The following LRRC52 variants were observed in gnomAD, a reference collection of about 807,000 sequenced individuals.
LRRC52 encodes the protein leucine rich repeat containing 52, also known as leucine-rich repeat-containing protein 52.
LRRC52 carries 15 observed loss-of-function variants against 14.7 expected under a neutral mutation model. That is an observed-to-expected ratio of 1.02 (90% confidence interval 0.68 to 1.58). LRRC52 has a LOEUF of 1.58. LRRC52 is among the 40% of genes most tolerant of loss of function. LRRC52 has a pLI of 0.00. For missense variants in LRRC52, 400 were observed against 387.7 expected (o/e 1.03, Z -0.27); for synonymous variants, 180 against 163.9 (o/e 1.10, Z -0.75).
At chr1:165,549,814 C>A (rs146532881) in intron 1 of LRRC52, among the ~76,000 whole-genome samples, 176 of 152,334 alleles carry the variant, frequency 1.2e-3, no homozygotes, top group African/African-American at 4.1e-3. Flanking sequence ...CATAAGGCTA[C>A]ACTGAACAAG....
At chr1:165,560,841 G>C (rs2459239) in intron 1 of LRRC52, among the ~76,000 whole-genome samples, 7,534 of 152,246 alleles carry the variant, frequency 0.049, 243 homozygotes, top group Admixed American at 0.076. Context: ...TGAGAAGGAG[G>C]GAAGGGGAGA....
intron 1 of LRRC52, among the ~76,000 whole-genome samples, chr1:165,558,498 G>A (rs1045316231): frequency 2.0e-5 from 3 of 152,152 alleles, no homozygotes; most frequent in African/African-American, 7.2e-5. Flanking sequence ...ACCCTGTGGG[G>A]TGATCAAAAG....
intron 1 of LRRC52, among the ~76,000 whole-genome samples, chr1:165,553,821 G>A (rs1207126346): frequency 6.6e-6 from 1 of 152,116 alleles, no homozygotes; most frequent in Non-Finnish European, 1.5e-5. Context: ...ATTGGTGCCT[G>A]TATTTCTCTT....
At chr1:165,554,183 A>G (rs1000568833) in intron 1 of LRRC52, among the ~76,000 whole-genome samples, 1 of 152,216 alleles carries the variant, frequency 6.6e-6, no homozygotes, top group Non-Finnish European at 1.5e-5. Context: ...TGCACACAGT[A>G]CATGTTCAAT....
chr1:165,559,577 T>C (rs2101833036), intron 1 of LRRC52, among the ~76,000 whole-genome samples: 1 of 152,314 alleles, frequency 6.6e-6, no homozygotes, highest in African/African-American at 2.4e-5. Flanking sequence ...CACCACAACC[T>C]AACTGACATG....
chr1:165,556,378 C>G (rs1314303562), intron 1 of LRRC52, among the ~76,000 whole-genome samples: 2 of 101,082 alleles, frequency 2.0e-5, no homozygotes, highest in Non-Finnish European at 4.8e-5. Context: ...TCTATAGACT[C>G]TATATACAAG....
chr1:165,556,532 A>G (rs1661237682), intron 1 of LRRC52, among the ~76,000 whole-genome samples: 1 of 152,258 alleles, frequency 6.6e-6, no homozygotes. Flanking sequence ...TAAATATTCT[A>G]GGCTTTGTGG....
intron 1 of LRRC52, among the ~76,000 whole-genome samples, chr1:165,556,428 C>T (rs1038667743): frequency 6.6e-6 from 1 of 152,166 alleles, no homozygotes; most frequent in African/African-American, 2.4e-5. Context: ...TTATACTTTG[C>T]ACAAGCCCAA....
At chr1:165,552,760 C>A (rs285431) in intron 1 of LRRC52, among the ~76,000 whole-genome samples, 1 of 152,202 alleles carries the variant, frequency 6.6e-6, no homozygotes, top group Non-Finnish European at 1.5e-5. Flanking sequence ...AGCTCTATGA[C>A]AGCAGATCTG....
At chr1:165,555,524 G>A (rs2101830084) in intron 1 of LRRC52, among the ~76,000 whole-genome samples, 1 of 152,308 alleles carries the variant, frequency 6.6e-6, no homozygotes, top group Non-Finnish European at 1.5e-5. Context: ...GAAGGATTTT[G>A]AGCAGGGAAG....
At chr1:165,561,344 T>C (rs551187140) in intron 1 of LRRC52, among the ~76,000 whole-genome samples, 2 of 152,288 alleles carry the variant, frequency 1.3e-5, no homozygotes, top group Admixed American at 6.5e-5. Flanking sequence ...CCGAATCCCA[T>C]GTTTGCCTTT....
rs151335703 is a variant in LRRC52, at chr1:165,545,292, A to C, written c.622+374A>C. ...TGAAGTACTCTAATTGCAAAGTGACAAGGTAATATAGGGACACTGTATTCT... is the reference window on the plus strand; with the variant it reads ...TGAAGTACTCTAATTGCAAAGTGACCAGGTAATATAGGGACACTGTATTCT... On this transcript the variant is annotated intron_variant, in intron 1 of 1. Coordinates refer to ENST00000294818, the MANE Select transcript of LRRC52 (RefSeq NM_001005214.4). 1.2e-3 allele frequency among the ~76,000 whole-genome samples: 183 copies of C among 152,322 alleles called. 2 individuals are homozygous for C. The highest frequency in any genetic ancestry group is 2.9e-3 in the Admixed American group (45 of 15,300).
chr1:165,561,253 T>G (rs1409368953), intron 1 of LRRC52, among the ~76,000 whole-genome samples: 1 of 152,246 alleles, frequency 6.6e-6, no homozygotes, highest in Non-Finnish European at 1.5e-5. Flanking sequence ...GTCTCATCTC[T>G]GCCGCCCAAG....
At chr1:165,550,305 C>T (rs953368467) in intron 1 of LRRC52, among the ~76,000 whole-genome samples, 13 of 152,178 alleles carry the variant, frequency 8.5e-5, no homozygotes, top group African/African-American at 3.1e-4. Flanking sequence ...CCCCTCTACC[C>T]GCAAAGTCTG....
In LRRC52 at chr1:165,544,631, A is replaced by G; in HGVS notation, c.335A>G (p.Asn112Ser). ...ATCTACCTTGACCTCAGCTCCAACA[A>G]CCTAACCTCGATCTCCCCATTCACT... ...KLIYLDLSSNNLTSISPFTFS... is the reference protein window; with the variant it reads ...KLIYLDLSSNSLTSISPFTFS... The change falls in exon 1 of 2, where the codon AAC becomes AGC. Residue 112 changes from asparagine (N) to serine (S), a missense_variant. Transcript: ENST00000294818. 1 of 1,612,896 alleles carries G rather than the reference A, an allele frequency of 6.2e-7. No individual in the cohort carries two copies.
chr1:165,552,793 C>A (rs1287174954), intron 1 of LRRC52, among the ~76,000 whole-genome samples: 1 of 152,150 alleles, frequency 6.6e-6, no homozygotes. Flanking sequence ...CAAGCACAGG[C>A]CTGACACAGA....
At chr1:165,545,271 G>A (rs1660996561) in intron 1 of LRRC52, among the ~76,000 whole-genome samples, 1 of 152,116 alleles carries the variant, frequency 6.6e-6, no homozygotes, top group Non-Finnish European at 1.5e-5. Context: ...AAATGATGAA[G>A]TACTCTAATT....
chr1:165,557,971 A>T (rs969028710), intron 1 of LRRC52, among the ~76,000 whole-genome samples: 9 of 152,170 alleles, frequency 5.9e-5, no homozygotes, highest in Non-Finnish European at 1.3e-4. Context: ...GGCCCTGGGA[A>T]CCTGCAGCAC....
intron 1 of LRRC52, among the ~76,000 whole-genome samples, chr1:165,549,554 A>C (rs926124650): frequency 3.2e-4 from 48 of 152,228 alleles, no homozygotes; most frequent in African/African-American, 1.0e-3. Flanking sequence ...AAGTGTCCTT[A>C]AGCCTTTATC....
Sources: allele counts gnomAD v4.1 joint callset (sites outside exome capture counted in the v4.1 genomes callset), GRCh38; gene constraint gnomAD v4.1.1; transcripts MANE v1.5; gene names NCBI Gene and HGNC (gene_info 2026-07-23, HGNC 2026-07-21).